The following XYLT1 variants were observed in gnomAD, a reference collection of about 807,000 sequenced individuals.
The protein encoded by XYLT1 is xylosyltransferase 1, also known as beta-D-xylosyltransferase 1.
Under a neutral mutation model 91.3 loss-of-function variants are expected in XYLT1, and 36 were observed. The observed-to-expected ratio is 0.39, with a 90% confidence interval of 0.30 to 0.52. XYLT1 has a LOEUF of 0.52. XYLT1 is among the 20% of genes least tolerant of loss of function. The pLI, the probability that XYLT1 is intolerant of heterozygous loss-of-function variation, is 0.68. For synonymous variants in XYLT1, 588 were observed against 532.0 expected (o/e 1.11, Z -1.45); for missense variants, 1,242 against 1,284.5 (o/e 0.97, Z 0.51).
At chr16:17,428,873 G>C (rs2036352686) in intron 1 of XYLT1, among the ~76,000 whole-genome samples, 1 of 152,158 alleles carries the variant, frequency 6.6e-6, no homozygotes, top group Admixed American at 6.5e-5. Context: ...TCCCTGCTGG[G>C]CTGGGAGGCT....
At chr16:17,133,548 T>C (rs183831804) in intron 9 of XYLT1, among the ~76,000 whole-genome samples, 8 of 152,088 alleles carry the variant, frequency 5.3e-5, no homozygotes, top group Non-Finnish European at 7.3e-5. Flanking sequence ...AAAGGAATCA[T>C]TATCATTGCG....
rs758658957 is a variant in XYLT1 at position 17,119,604 on chromosome 16, C to G, written c.2224-1625G>C. Among the ~76,000 whole-genome samples, 14 of 152,314 alleles carry G rather than the reference C, an allele frequency of 9.2e-5. No homozygotes were observed. The South Asian group carries it at 1.0e-3, about 11-fold the overall frequency. On this transcript the variant is annotated intron_variant, in intron 10 of 11. Transcript: ENST00000261381. Reference sequence around the variant, plus strand: ...TCTTTACCCAGCTTACAGAGCTTCACTGCTAATATTTGCTGAGGGATTACA... The same window carrying G: ...TCTTTACCCAGCTTACAGAGCTTCAGTGCTAATATTTGCTGAGGGATTACA...
rs78850276 is a variant in XYLT1 at position 17,136,410 on chromosome 16, C to G, written c.1765-1675G>C. Among the ~76,000 whole-genome samples, 788 of 152,284 alleles carry G rather than the reference C, an allele frequency of 5.2e-3. 5 individuals carry two copies. The highest frequency in any genetic ancestry group is 0.016 in the African/African-American group (673 of 41,552). ...TGCCAGTCTGCTTCAGGAAACCTCTCTGTGGTGGGGAGCACAGCTTAGCAC... is the reference window on the plus strand; with the variant it reads ...TGCCAGTCTGCTTCAGGAAACCTCTGTGTGGTGGGGAGCACAGCTTAGCAC... On this transcript the variant is annotated intron_variant, in intron 8 of 11. Coordinates refer to ENST00000261381, the MANE Select transcript of XYLT1 (RefSeq NM_022166.4).
intron 6 of XYLT1, among the ~76,000 whole-genome samples, chr16:17,147,247 G>A (rs1427098199): frequency 2.0e-5 from 3 of 152,166 alleles, no homozygotes; most frequent in African/African-American, 4.8e-5. Flanking sequence ...TCTGGCTAGT[G>A]CTAATTATAC....
chr16:17,382,193 C>T lies in XYLT1; in HGVS notation c.364-24143G>A, dbSNP rs1286745437. Among the ~76,000 whole-genome samples, 10 of 151,980 alleles carry T rather than the reference C, an allele frequency of 6.6e-5. 1 individual carries two copies. The East Asian group carries it at 1.8e-3, about 27-fold the overall frequency. On this transcript the variant is annotated intron_variant, in intron 1 of 11. Transcript: ENST00000261381. ...CTGCAAGAAGGGGCAAATGGAGATG[C>T]CGGTATTTGGGCCTCTCCATCTTTC... is the stretch of plus-strand genomic sequence containing the variant.
chr16:17,439,445 A>G (rs528867302), intron 1 of XYLT1, among the ~76,000 whole-genome samples: 1 of 152,288 alleles, frequency 6.6e-6, no homozygotes, highest in East Asian at 1.9e-4. Flanking sequence ...AATTACAGTC[A>G]TCCTTCCAAA....
In XYLT1 at chr16:17,259,287, C is replaced by T. The variant is rs1376199469; in HGVS notation, c.614G>A (p.Gly205Glu). The T allele has an allele frequency of 3.0e-5, 49 of 1,614,010 alleles. No individual in the cohort carries two copies. The highest frequency in any genetic ancestry group is 4.2e-5 in the Non-Finnish European group (49 of 1,180,036). Residue 205 changes from glycine to glutamate, a missense_variant, in exon 3 of 12, where the codon GGA becomes GAA. Gly to Glu is a moderately conservative substitution (Grantham distance 98). This residue lies in a region of XYLT1 where 437 missense variants were observed against 411.5 expected (regional missense o/e 1.06). Transcript: ENST00000261381. Reference protein sequence around the residue: ...RKLEQQEKGKGHTFPGKGPGE... With the variant: ...RKLEQQEKGKEHTFPGKGPGE... ...GGGGCCTTTCCCAGGGAATGTATGT[C>T]CTTTTCCTTTCTCCTGCTGTTCCAG...
At chr16:17,238,726 T>G (rs1258326476) in intron 3 of XYLT1, among the ~76,000 whole-genome samples, 1 of 152,268 alleles carries the variant, frequency 6.6e-6, no homozygotes, top group East Asian at 1.9e-4. Context: ...TTCCGCCTTC[T>G]GGCTCTTAGT....
intron 2 of XYLT1, among the ~76,000 whole-genome samples, chr16:17,348,523 C>G (rs1012664759): frequency 6.6e-6 from 1 of 152,160 alleles, no homozygotes; most frequent in Non-Finnish European, 1.5e-5. Context: ...CTCCATGCCT[C>G]AGTGTCTTCA....
intron 1 of XYLT1, among the ~76,000 whole-genome samples, chr16:17,445,638 C>A (rs1487299370): frequency 3.3e-5 from 5 of 152,230 alleles, no homozygotes; most frequent in African/African-American, 1.2e-4. Flanking sequence ...CATGGAGGCT[C>A]CTCTGTGGCC....
intron 1 of XYLT1, among the ~76,000 whole-genome samples, chr16:17,458,848 C>T (rs577803751): frequency 6.6e-6 from 1 of 151,356 alleles, no homozygotes; most frequent in East Asian, 1.9e-4. Flanking sequence ...GGTTATATTT[C>T]TGTATTTTCC....
chr16:17,422,766 T>C (rs2141923576), intron 1 of XYLT1, among the ~76,000 whole-genome samples: 1 of 152,332 alleles, frequency 6.6e-6, no homozygotes, highest in South Asian at 2.1e-4. Context: ...TCCGCCCACC[T>C]CAGCCTCCCA....
intron 6 of XYLT1, among the ~76,000 whole-genome samples, chr16:17,143,397 G>A (rs2031039560): frequency 6.6e-6 from 1 of 152,164 alleles, no homozygotes; most frequent in Non-Finnish European, 1.5e-5. Context: ...CTCCTAAGGA[G>A]CTAGTTATCT....
chr16:17,310,303 T>C (rs1426168925), intron 2 of XYLT1, among the ~76,000 whole-genome samples: 1 of 152,192 alleles, frequency 6.6e-6, no homozygotes, highest in Non-Finnish European at 1.5e-5. Context: ...TTTACACTTC[T>C]TCCTTTCAGC....
intron 1 of XYLT1, among the ~76,000 whole-genome samples, chr16:17,378,908 T>C (rs778680897): frequency 6.6e-6 from 1 of 152,198 alleles, no homozygotes; most frequent in Non-Finnish European, 1.5e-5. Flanking sequence ...ACAGAATATT[T>C]CAAGGAATTT....
intron 3 of XYLT1, among the ~76,000 whole-genome samples, chr16:17,248,282 A>G (rs950331954): frequency 6.6e-6 from 1 of 152,216 alleles, no homozygotes; most frequent in African/African-American, 2.4e-5. Flanking sequence ...CCTCGGCCAC[A>G]TGGAACTGTG....
At chr16:17,442,091 C>T (rs559714403) in intron 1 of XYLT1, among the ~76,000 whole-genome samples, 1 of 152,236 alleles carries the variant, frequency 6.6e-6, no homozygotes, top group South Asian at 2.1e-4. Context: ...CTTTTCCTGC[C>T]TTTGAGTTCA....
chr16:17,292,759 C>T (rs2034250230), intron 2 of XYLT1, among the ~76,000 whole-genome samples: 1 of 152,202 alleles, frequency 6.6e-6, no homozygotes. Flanking sequence ...CCTGTTGGCC[C>T]ACACATGGTC....
intron 1 of XYLT1, among the ~76,000 whole-genome samples, chr16:17,372,027 CT>C (rs1023314493): frequency 6.6e-6 from 1 of 152,160 alleles, no homozygotes; most frequent in Non-Finnish European, 1.5e-5. Flanking sequence ...TTGCCCCATT[CT>C]TGGTACTAAT....
Sources: allele counts gnomAD v4.1 joint callset (sites outside exome capture counted in the v4.1 genomes callset), GRCh38; gene constraint gnomAD v4.1.1; regional missense constraint gnomAD v4.1.1; transcripts MANE v1.5; gene names NCBI Gene and HGNC (gene_info 2026-07-23, HGNC 2026-07-21).